The following OPHN1 variants were observed in gnomAD, a reference collection of about 807,000 sequenced individuals.
OPHN1 encodes oligophrenin 1.
Under a neutral mutation model 60.7 loss-of-function variants are expected in OPHN1, and 11 were observed. That is an observed-to-expected ratio of 0.18 (90% CI 0.11 to 0.30). The LOEUF (loss-of-function observed/expected upper bound fraction) is 0.30. Among genes scored for constraint, OPHN1 ranks in the 10% least tolerant of loss-of-function variants. The pLI, the probability that OPHN1 is intolerant of heterozygous loss-of-function variation, is 1.00. For synonymous variants in OPHN1, 226 were observed against 222.6 expected, an observed-to-expected ratio of 1.02 and a Z score of -0.14; for missense variants, 449 against 611.0, an observed-to-expected ratio of 0.73 and a Z score of 2.80.
chrX:68,234,667 T>C, intron 5 of OPHN1, 79 bp from the exon 6 acceptor site: 2 of 772,918 alleles, frequency 2.6e-6, no homozygotes, highest in African/African-American at 2.0e-5. Flanking sequence ...ATGAAGGAGA[T>C]AGTGTCAGGT....
At chrX:68,368,626 A>G (rs1356750353) in intron 2 of OPHN1, among the ~76,000 whole-genome samples, 1 of 111,596 alleles carries the variant, frequency 9.0e-6, no homozygotes, top group Non-Finnish European at 1.9e-5. Flanking sequence ...AAAATTCCTG[A>G]GAGGACTAAG....
intron 21 of OPHN1, among the ~76,000 whole-genome samples, chrX:68,057,317 C>T (rs746930462): frequency 8.9e-6 from 1 of 111,807 alleles, no homozygotes; most frequent in Non-Finnish European, 1.9e-5. Context: ...CTATGTGCAG[C>T]CAAGATTGAG....
chrX:68,295,949 T>C (rs1313800536), intron 3 of OPHN1, among the ~76,000 whole-genome samples: 1 of 111,833 alleles, frequency 8.9e-6, no homozygotes, highest in Non-Finnish European at 1.9e-5. Context: ...AGCAATTTTT[T>C]TTTCCAGTGA....
chrX:68,432,391 A>G, intron 2 of OPHN1, among the ~76,000 whole-genome samples: 1 of 111,687 alleles, frequency 9.0e-6, no homozygotes, highest in South Asian at 3.7e-4. Context: ...GCCATGGCGA[A>G]TTTTTTACTG....
intron 2 of OPHN1, among the ~76,000 whole-genome samples, chrX:68,423,976 G>A (rs2078842500): frequency 9.0e-6 from 1 of 110,687 alleles, no homozygotes; most frequent in Non-Finnish European, 1.9e-5. Context: ...ACACCAGTCT[G>A]GCCAACATGG....
At chrX:68,257,766 T>C (rs1288816454) in intron 5 of OPHN1, among the ~76,000 whole-genome samples, 1 of 111,232 alleles carries the variant, frequency 9.0e-6, no homozygotes, top group African/African-American at 3.3e-5. Flanking sequence ...CTAGAAGCTA[T>C]TGTAGTGGAA....
intron 5 of OPHN1, among the ~76,000 whole-genome samples, chrX:68,263,059 T>C (rs919501053): frequency 8.9e-6 from 1 of 112,073 alleles, no homozygotes; most frequent in Admixed American, 9.5e-5. Flanking sequence ...AATTCCACTA[T>C]AGAAAACACA....
intron 15 of OPHN1, among the ~76,000 whole-genome samples, chrX:68,183,644 C>T (rs145598963): frequency 0.059 from 6,434 of 109,321 alleles, 153 homozygotes; most frequent in Non-Finnish European, 0.068. Flanking sequence ...AGTCCTTTTA[C>T]TTTGTCTTGT....
chrX:68,136,305 T>TG (rs1328317380), intron 15 of OPHN1, among the ~76,000 whole-genome samples: 111 of 86,577 alleles, frequency 1.3e-3, no homozygotes, highest in Middle Eastern at 5.8e-3. Context: ...TTTTTTTTTT[T>TG]TTTTTTTTTT....
intron 15 of OPHN1, among the ~76,000 whole-genome samples, chrX:68,170,518 A>T (rs2077384827): frequency 9.1e-6 from 1 of 109,694 alleles, no homozygotes; most frequent in Non-Finnish European, 1.9e-5. Context: ...AATAGCAAAG[A>T]CTTGGAACCA....
At chrX:68,409,743 C>T (rs1470753131) in intron 2 of OPHN1, among the ~76,000 whole-genome samples, 2 of 111,837 alleles carry the variant, frequency 1.8e-5, no homozygotes, top group Non-Finnish European at 3.8e-5. Context: ...TTAAGCAAGT[C>T]TAAAAAACCA....
intron 2 of OPHN1, among the ~76,000 whole-genome samples, chrX:68,427,277 A>AAAC (rs776470382): frequency 9.2e-6 from 1 of 108,909 alleles, no homozygotes; most frequent in African/African-American, 3.4e-5. Context: ...CAAAAAAAAA[A>AAAC]AACAACAACA....
chrX:68,152,322 A>C (rs1480203228), intron 15 of OPHN1, among the ~76,000 whole-genome samples: 1 of 109,643 alleles, frequency 9.1e-6, no homozygotes, highest in East Asian at 2.9e-4. Context: ...GTTTACTAAA[A>C]CCTCTCCTCT....
intron 2 of OPHN1, among the ~76,000 whole-genome samples, chrX:68,397,032 C>A (rs1455050064): frequency 1.8e-5 from 2 of 110,868 alleles, no homozygotes; most frequent in Non-Finnish European, 3.8e-5. Flanking sequence ...CTAGCGAAAA[C>A]TGCCTCCTGA....
intron 2 of OPHN1, among the ~76,000 whole-genome samples, chrX:68,376,675 T>G: frequency 9.0e-6 from 1 of 111,111 alleles, no homozygotes; most frequent in Non-Finnish European, 1.9e-5. Flanking sequence ...AAGGCTGCCT[T>G]GGCCACCACT....
chrX:68,334,837 A>G (rs981574154), intron 2 of OPHN1, among the ~76,000 whole-genome samples: 48 of 109,404 alleles, frequency 4.4e-4, no homozygotes, highest in African/African-American at 1.6e-3. Context: ...TTAGCCAGGC[A>G]TGGTGGTGCA....
intron 3 of OPHN1, among the ~76,000 whole-genome samples, chrX:68,284,585 G>T (rs759882707): frequency 1.1e-4 from 12 of 111,500 alleles, no homozygotes; most frequent in Non-Finnish European, 1.9e-4. Flanking sequence ...ATTTTAAAGT[G>T]TACAATTCGG....
At chrX:68,087,628 T>C (rs1456254145) in intron 19 of OPHN1, among the ~76,000 whole-genome samples, 1 of 112,062 alleles carries the variant, frequency 8.9e-6, no homozygotes, top group Non-Finnish European at 1.9e-5. Context: ...TGAGCAACTA[T>C]CCAGATTCTT....
intron 22 of OPHN1, among the ~76,000 whole-genome samples, chrX:68,053,406 G>A (rs1156957971): frequency 8.9e-6 from 1 of 111,781 alleles, no homozygotes; most frequent in East Asian, 2.8e-4. Flanking sequence ...AGGAAGCTAA[G>A]AAAAATGGGT....
Sources: gnomAD v4.1 joint callset for allele counts (sites outside exome capture counted in the v4.1 genomes callset) on GRCh38, gnomAD v4.1.1 for gene constraint, MANE v1.5 for transcripts, NCBI Gene and HGNC (gene_info 2026-07-23, HGNC 2026-07-21) for gene names.